FIRRM: variants seen among roughly 807,000 people sequenced by gnomAD.
FIRRM encodes FIGNL1 interacting regulator of recombination and mitosis, also known as FIGNL1-interacting regulator of recombination and mitosis.
chr1:169,847,855 AGT>A, the FIRRM span: 1 of 1,245,840 alleles, frequency 8.0e-7, no homozygotes. Context: ...TCTCTATAAG[AGT>A]TAGTGATTAA....
At chr1:169,803,518 T>C in the FIRRM span, among the ~76,000 whole-genome samples, 1 of 152,200 alleles carries the variant, frequency 6.6e-6, no homozygotes, top group Non-Finnish European at 1.5e-5. Context: ...GTTTTTTAGT[T>C]TTATCTTATT....
the FIRRM span, among the ~76,000 whole-genome samples, chr1:169,826,368 T>TA: frequency 7.1e-6 from 1 of 141,476 alleles, no homozygotes; most frequent in African/African-American, 2.7e-5. Flanking sequence ...CGGCATTTTT[T>TA]TTTTTTTTTT....
the FIRRM span, chr1:169,852,438 A>ATAAG: frequency 7.1e-6 from 2 of 280,362 alleles, no homozygotes; most frequent in Non-Finnish European, 6.7e-6. Context: ...CAACATTCTG[A>ATAAG]TAAGTTTTAG....
chr1:169,798,251 A>T, the FIRRM span, among the ~76,000 whole-genome samples: 3 of 150,106 alleles, frequency 2.0e-5, no homozygotes, highest in Non-Finnish European at 4.4e-5. Context: ...ACCGCACTCC[A>T]TCCTGGGTGA....
At chr1:169,849,940 A>G in the FIRRM span, 1 of 466,246 alleles carries the variant, frequency 2.1e-6, no homozygotes, top group South Asian at 2.7e-5. Context: ...CATAAGGGTT[A>G]GGCTGATGAA....
the FIRRM span, chr1:169,795,549 A>C: frequency 9.4e-7 from 1 of 1,065,008 alleles, no homozygotes; most frequent in East Asian, 7.5e-5. Context: ...CTAGTGGATA[A>C]TGGGGGAGGC....
the FIRRM span, among the ~76,000 whole-genome samples, chr1:169,810,834 ATTTTTTTTTTTTTTTTTTTT>A: frequency 2.1e-4 from 13 of 61,196 alleles, no homozygotes; most frequent in Admixed American, 2.4e-4. Flanking sequence ...TTAGCCCCCA[ATTTTTTTTTTTTTTTTTTTT>A]TTTTTTTTTT....
chr1:169,830,815 T>C, the FIRRM span: 1 of 1,360,992 alleles, frequency 7.3e-7, no homozygotes, highest in Non-Finnish European at 1.1e-6. Flanking sequence ...TGATAATCTT[T>C]AAGAATGTGA....
At chr1:169,826,150 G>T in the FIRRM span, 2 of 238,134 alleles carry the variant, frequency 8.4e-6, no homozygotes, top group South Asian at 5.0e-5. Context: ...TCGGCTCACT[G>T]CAACCTCCAC....
At chr1:169,822,037 C>T in the FIRRM span, among the ~76,000 whole-genome samples, 1 of 151,968 alleles carries the variant, frequency 6.6e-6, no homozygotes, top group African/African-American at 2.4e-5. Flanking sequence ...TAAAGATTCC[C>T]CTGATAGAAT....
the FIRRM span, chr1:169,827,734 C>T: frequency 3.7e-6 from 6 of 1,614,008 alleles, no homozygotes; most frequent in Admixed American, 1.0e-4. Context: ...ACTGCAGTTT[C>T]CACAATGTCT....
At chr1:169,830,678 TTC>T in the FIRRM span, 3 of 1,610,602 alleles carry the variant, frequency 1.9e-6, no homozygotes, top group South Asian at 3.3e-5. Flanking sequence ...CATAGTTGTC[TTC>T]TCTTTTATAT....
the FIRRM span, among the ~76,000 whole-genome samples, chr1:169,837,313 T>C: frequency 9.2e-5 from 14 of 152,340 alleles, no homozygotes; most frequent in East Asian, 1.2e-3. Flanking sequence ...ATGTATTATA[T>C]TGGGGGGTTG....
the FIRRM span, chr1:169,795,155 G>A: frequency 3.9e-6 from 6 of 1,535,970 alleles, no homozygotes. Context: ...GAAGAATTAA[G>A]TAGCTGGCCA....
the FIRRM span, chr1:169,807,778 T>G: frequency 1.3e-6 from 2 of 1,555,972 alleles, no homozygotes; most frequent in Non-Finnish European, 1.7e-6. Context: ...TTCTTTTCTT[T>G]TTATTCATTT....
At chr1:169,826,424 G>A in the FIRRM span, among the ~76,000 whole-genome samples, 8 of 145,700 alleles carry the variant, frequency 5.5e-5, no homozygotes, top group Non-Finnish European at 1.2e-4. Flanking sequence ...GTGCAGTGGC[G>A]CAGTCTTGGC....
At chr1:169,848,111 C>T in the FIRRM span, among the ~76,000 whole-genome samples, 1 of 152,050 alleles carries the variant, frequency 6.6e-6, no homozygotes, top group Non-Finnish European at 1.5e-5. Flanking sequence ...TAGGGAACAG[C>T]ATGTAATTAG....
the FIRRM span, chr1:169,800,875 C>T: frequency 6.9e-7 from 1 of 1,448,662 alleles, no homozygotes; most frequent in Non-Finnish European, 9.6e-7. Context: ...TTGTTATTTG[C>T]TTTACAGAAA....
chr1:169,843,110 G>A, the FIRRM span, among the ~76,000 whole-genome samples: 1 of 152,210 alleles, frequency 6.6e-6, no homozygotes, highest in Non-Finnish European at 1.5e-5. Flanking sequence ...GCAGCTAGAG[G>A]AAGCTAAAGG....
Sources: gnomAD v4.1 joint callset for allele counts (sites outside exome capture counted in the v4.1 genomes callset) on GRCh38, gnomAD v4.1.1 for gene constraint, MANE v1.5 for transcripts, NCBI Gene and HGNC (gene_info 2026-07-23, HGNC 2026-07-21) for gene names.